Variants in ARHGAP28 observed in about 807,000 individuals in gnomAD.
The protein encoded by ARHGAP28 is rho GTPase-activating protein 28.
ARHGAP28 carries 56 observed loss-of-function variants against 90.7 expected under a neutral mutation model. That is an observed-to-expected ratio of 0.62 (90% CI 0.50 to 0.77). ARHGAP28 has a LOEUF of 0.77. Among genes scored for constraint, ARHGAP28 ranks in the 30% least tolerant of loss-of-function variants. The probability of loss-of-function intolerance (pLI) is 0.00; values close to 1 mark genes in which losing one functional copy is unlikely to be tolerated. For missense variants in ARHGAP28, 869 were observed against 900.9 expected (o/e 0.96, Z 0.45); for synonymous variants, 308 against 323.3 (o/e 0.95, Z 0.51).
In ARHGAP28 at chr18:6,913,824, A is replaced by G. The variant is rs564147718; in HGVS notation, c.*1670A>G. The stretch of plus-strand genomic sequence containing the variant: ...CCTACATTTTATTCATTTTTAATGT[A>G]TGGGTAATTGGTGGCACATGACTTT... On this transcript the variant is annotated 3_prime_UTR_variant, in exon 18 of 18. Coordinates refer to ENST00000383472, the MANE Select transcript of ARHGAP28 (RefSeq NM_001366230.1). 3.3e-5 allele frequency: 5 copies of G among 152,008 alleles called. No individual in the cohort carries two copies. In the South Asian group the frequency reaches 6.2e-4, roughly 19 times the overall value. 9.4% of individuals were successfully genotyped at this position (152,008 alleles called of 1,614,324 possible). A position where few individuals can be genotyped will look rare whatever the true frequency, so the allele number is the denominator to read the frequency against.
intron 1 of ARHGAP28, among the ~76,000 whole-genome samples, chr18:6,763,236 C>A (rs1417962274): frequency 6.6e-6 from 1 of 152,054 alleles, no homozygotes; most frequent in Non-Finnish European, 1.5e-5. Context: ...GCATGCACCA[C>A]CGTGCCTGCC....
At chr18:6,883,516 G>A (rs890633494) in intron 11 of ARHGAP28, among the ~76,000 whole-genome samples, 103 of 152,238 alleles carry the variant, frequency 6.8e-4, no homozygotes, top group African/African-American at 2.1e-3. Context: ...GGGATTACAG[G>A]CGTGAGCCAC....
At chr18:6,744,502 C>T (rs1298219330) in intron 1 of ARHGAP28, among the ~76,000 whole-genome samples, 1 of 152,142 alleles carries the variant, frequency 6.6e-6, no homozygotes, top group Non-Finnish European at 1.5e-5. Context: ...AGATTTTTAA[C>T]TAAAACACAT....
At chr18:6,822,336 A>G (rs190929777) in intron 1 of ARHGAP28, among the ~76,000 whole-genome samples, 133 of 152,298 alleles carry the variant, frequency 8.7e-4, no homozygotes, top group African/African-American at 2.9e-3. Context: ...TGAGTCTGGT[A>G]CATGGAGGGC....
chr18:6,828,313 T>C (rs1256782924), intron 2 of ARHGAP28, among the ~76,000 whole-genome samples: 1 of 151,990 alleles, frequency 6.6e-6, no homozygotes, highest in Non-Finnish European at 1.5e-5. Flanking sequence ...ACAGTCCAGC[T>C]TCGGCTCGGC....
At chr18:6,870,465 C>G in intron 6 of ARHGAP28, 125 bp from the exon 7 acceptor site, 1 of 963,674 alleles carries the variant, frequency 1.0e-6, no homozygotes, top group Non-Finnish European at 1.6e-6. Flanking sequence ...TGCTTTTCCT[C>G]GCATATAAAC....
rs2056511566 is a variant in ARHGAP28 at position 6,805,485 on chromosome 18, T to C, written c.123-19277T>C. The stretch of plus-strand genomic sequence containing the variant: ...CTGGTCTGATAACCTTTGCCTTTTT[T>C]TTTTTTTTTTTTTTTTTGAAACGGA... On this transcript the variant is annotated intron_variant, in intron 1 of 17. Coordinates refer to ENST00000383472, the MANE Select transcript of ARHGAP28 (RefSeq NM_001366230.1). 2.1e-5 allele frequency among the ~76,000 whole-genome samples: 3 copies of C among 140,192 alleles called. No individual in the cohort carries two copies. The South Asian group carries it at 6.7e-4, about 31-fold the overall frequency. The allele number at this position is 140,192 out of a possible 152,430, so 92.0% of individuals were successfully genotyped here. A position where few individuals can be genotyped will look rare whatever the true frequency, so the allele number is the denominator to read the frequency against.
intron 16 of ARHGAP28, among the ~76,000 whole-genome samples, chr18:6,905,603 T>TA (rs889765049): frequency 6.6e-6 from 1 of 152,068 alleles, no homozygotes; most frequent in Non-Finnish European, 1.5e-5. Context: ...AAGGAAGGAA[T>TA]AAAAGTCTAT....
intron 1 of ARHGAP28, among the ~76,000 whole-genome samples, chr18:6,739,214 C>A (rs927172705): frequency 1.3e-5 from 2 of 152,002 alleles, no homozygotes; most frequent in Non-Finnish European, 2.9e-5. Flanking sequence ...TGTTTCTCTG[C>A]CTCAATTTGA....
At chr18:6,769,360 T>C (rs2056224638) in intron 1 of ARHGAP28, among the ~76,000 whole-genome samples, 1 of 152,334 alleles carries the variant, frequency 6.6e-6, no homozygotes, top group East Asian at 1.9e-4. Context: ...ATTTCCTAAC[T>C]GGGGCTCCAT....
intron 11 of ARHGAP28, among the ~76,000 whole-genome samples, chr18:6,884,508 C>T (rs1046644543): frequency 2.6e-5 from 4 of 152,214 alleles, no homozygotes; most frequent in African/African-American, 9.6e-5. Flanking sequence ...TTATTCTGAA[C>T]ATTATGAATA....
At chr18:6,886,048 T>C (rs868609550) in intron 11 of ARHGAP28, among the ~76,000 whole-genome samples, 3 of 152,298 alleles carry the variant, frequency 2.0e-5, no homozygotes, top group Middle Eastern at 3.4e-3. Flanking sequence ...TTCAACAATA[T>C]GATCCTCCCT....
rs2057107926 is a variant in ARHGAP28, at chr18:6,873,695, T to C, written c.1132T>C (p.Phe378Leu). Residue 378 changes from phenylalanine to leucine, a missense_variant, in exon 9 of 18, where the codon TTT (phenylalanine) becomes CTT (leucine). By Grantham distance (22) the Phe-to-Leu change is conservative (BLOSUM62 0). Coordinates refer to ENST00000383472, the MANE Select transcript of ARHGAP28 (RefSeq NM_001366230.1). ...EKVKGRDNGI[F>L]GVPLTVLLDG... ...GTCTCACAATGAAGACAATGGGATT[T>C]TTGGAGTTCCACTTACAGTCCTCCT... is the stretch of plus-strand genomic sequence containing the variant. 6.2e-7 allele frequency: 1 copy of C among 1,614,000 alleles called. No homozygotes were observed. Among genetic ancestry groups the C allele is most frequent in the Admixed American group, 1.7e-5 (1 of 59,998 alleles).
At chr18:6,831,930 G>C (rs755860700) in intron 2 of ARHGAP28, among the ~76,000 whole-genome samples, 2 of 152,112 alleles carry the variant, frequency 1.3e-5, no homozygotes, top group South Asian at 4.1e-4. Context: ...ATGTGAATGG[G>C]TGTTGAATTA....
At chr18:6,839,447 C>A (rs1376257478) in intron 3 of ARHGAP28, among the ~76,000 whole-genome samples, 8 of 152,096 alleles carry the variant, frequency 5.3e-5, no homozygotes, top group Non-Finnish European at 1.2e-4. Context: ...GCGCCAGCCA[C>A]CACGCCTGGC....
intron 1 of ARHGAP28, among the ~76,000 whole-genome samples, chr18:6,806,876 A>G (rs926529265): frequency 8.5e-5 from 13 of 152,122 alleles, no homozygotes; most frequent in Admixed American, 3.9e-4. Flanking sequence ...GGATATTTTC[A>G]TTGGGTTGAT....
chr18:6,797,231 C>A (rs1328770598), intron 1 of ARHGAP28, among the ~76,000 whole-genome samples: 1 of 152,124 alleles, frequency 6.6e-6, no homozygotes, highest in African/African-American at 2.4e-5. Context: ...ATCAGTAACT[C>A]CCCACCTGAA....
At chr18:6,784,094 C>T (rs55942945) in intron 1 of ARHGAP28, among the ~76,000 whole-genome samples, 1,641 of 152,196 alleles carry the variant, frequency 0.011, 15 homozygotes, top group Non-Finnish European at 0.018. Flanking sequence ...TCTACTTTCT[C>T]CCGGGAGCCC....
chr18:6,784,492 A>G (rs2056351329), intron 1 of ARHGAP28, among the ~76,000 whole-genome samples: 1 of 152,134 alleles, frequency 6.6e-6, no homozygotes, highest in African/African-American at 2.4e-5. Flanking sequence ...ACCCTCCACT[A>G]CAGAGCAAAG....
Sources: gnomAD v4.1 joint callset for allele counts (sites outside exome capture counted in the v4.1 genomes callset) on GRCh38, gnomAD v4.1.1 for gene constraint, MANE v1.5 for transcripts, NCBI Gene and HGNC (gene_info 2026-07-23, HGNC 2026-07-21) for gene names.